SPEF2: variants seen among roughly 807,000 people sequenced by gnomAD.
SPEF2 encodes the protein sperm flagellar and cilia associated 2.
Under a neutral mutation model 224.6 loss-of-function variants are expected in SPEF2, and 187 were observed. That is an observed-to-expected ratio of 0.83 (90% CI 0.74 to 0.94). The LOEUF (loss-of-function observed/expected upper bound fraction) is 0.94. Among genes scored for constraint, SPEF2 ranks in the 40% least tolerant of loss-of-function variants. The pLI, the probability that SPEF2 is intolerant of heterozygous loss-of-function variation, is 0.00. For synonymous variants in SPEF2, 715 were observed against 707.3 expected, an observed-to-expected ratio of 1.01 and a Z score of -0.17; for missense variants, 2,170 against 2,135.6, an observed-to-expected ratio of 1.02 and a Z score of -0.32.
chr5:35,706,949 A>G (rs573128928), intron 18 of SPEF2, among the ~76,000 whole-genome samples: 1 of 152,350 alleles, frequency 6.6e-6, no homozygotes, highest in Non-Finnish European at 1.5e-5. Context: ...GCTTGAAGCT[A>G]CGGGTTAGAA....
At position 35,807,178 on chromosome 5, in the gene SPEF2, A is replaced by G. The variant is rs201634300; in HGVS notation, c.5304A>G (p.Pro1768=). ...FQDLGAKNLE[P]IEVAVLLKHP... is the part of the protein sequence containing the mutation. Reference sequence around the variant, plus strand: ...ACCTAGGTGCCAAGAACCTGGAGCCAATTGAAGTCGCTGTTCTCTTGAAGC... The same window carrying G: ...ACCTAGGTGCCAAGAACCTGGAGCCGATTGAAGTCGCTGTTCTCTTGAAGC... Residue 1768 remains proline, a synonymous_variant, in exon 36 of 37, where the codon CCA becomes CCG. Coordinates refer to ENST00000356031, the MANE Select transcript of SPEF2 (RefSeq NM_024867.4). The G allele has an allele frequency of 6.3e-5, 101 of 1,613,898 alleles. No homozygotes were observed. Among genetic ancestry groups the G allele is most frequent in the Non-Finnish European group, 7.6e-5 (90 of 1,179,992 alleles).
chr5:35,785,923 C>T (rs959925874), intron 30 of SPEF2, among the ~76,000 whole-genome samples: 6 of 152,030 alleles, frequency 3.9e-5, no homozygotes, highest in Non-Finnish European at 7.4e-5. Flanking sequence ...AATACCCTTC[C>T]CCTGCTTTTC....
chr5:35,807,820 C>A, intron 36 of SPEF2: 1 of 1,532,172 alleles, frequency 6.5e-7, no homozygotes, highest in Non-Finnish European at 8.7e-7. Context: ...CAGGTCTGGA[C>A]CACACATGCT....
intron 8 of SPEF2, among the ~76,000 whole-genome samples, chr5:35,661,754 T>C (rs1485938999): frequency 6.6e-6 from 1 of 152,182 alleles, no homozygotes; most frequent in African/African-American, 2.4e-5. Context: ...AAGGACATGA[T>C]CTCATTGCTT....
At chr5:35,759,486 T>C (rs537942422) in intron 24 of SPEF2, 82 bp from the exon 25 acceptor site, 2 of 1,201,756 alleles carry the variant, frequency 1.7e-6, no homozygotes, top group African/African-American at 3.1e-5. Flanking sequence ...TTCAAAATAG[T>C]GCTTTCAGAG....
chr5:35,711,574 T>TCCCC (rs1741145434), intron 19 of SPEF2, among the ~76,000 whole-genome samples: 1 of 91,900 alleles, frequency 1.1e-5, no homozygotes, highest in Non-Finnish European at 3.1e-5. Flanking sequence ...TTTCTTTCTT[T>TCCCC]CCCTCCCTCT....
chr5:35,788,256 G>T (rs1247423691), intron 30 of SPEF2: 2 of 702,834 alleles, frequency 2.8e-6, no homozygotes, highest in Non-Finnish European at 5.2e-6. Context: ...AACTTATTCA[G>T]ATCATGCCAT....
chr5:35,754,375 T>A (rs1470783843), intron 24 of SPEF2, among the ~76,000 whole-genome samples: 1 of 152,194 alleles, frequency 6.6e-6, no homozygotes, highest in Non-Finnish European at 1.5e-5. Context: ...AGAGAGTTTT[T>A]AAGAGCTGAA....
At chr5:35,676,615 G>A (rs905783420) in intron 10 of SPEF2, among the ~76,000 whole-genome samples, 19 of 152,018 alleles carry the variant, frequency 1.2e-4, no homozygotes, top group Non-Finnish European at 4.4e-5. Flanking sequence ...TGTAATTCCA[G>A]CTACTTGGGA....
intron 10 of SPEF2, among the ~76,000 whole-genome samples, chr5:35,689,904 T>C (rs1754202979): frequency 6.6e-6 from 1 of 152,142 alleles, no homozygotes; most frequent in Non-Finnish European, 1.5e-5. Context: ...GTAGTAGAAA[T>C]TTCATTATCC....
intron 10 of SPEF2, 29 bp downstream of exon 10, chr5:35,670,256 G>T: frequency 6.5e-7 from 1 of 1,547,416 alleles, no homozygotes; most frequent in Non-Finnish European, 8.7e-7. Context: ...TAATTAGAAT[G>T]CTACATAATA....
intron 21 of SPEF2, among the ~76,000 whole-genome samples, chr5:35,737,293 C>A (rs1304719903): frequency 6.6e-6 from 1 of 151,884 alleles, no homozygotes; most frequent in Non-Finnish European, 1.5e-5. Context: ...ATACATGTGC[C>A]ATGTTGGTGT....
intron 21 of SPEF2, among the ~76,000 whole-genome samples, chr5:35,732,347 AGGAG>A (rs1368676615): frequency 6.6e-6 from 1 of 152,220 alleles, no homozygotes; most frequent in Non-Finnish European, 1.5e-5. Context: ...GAAGTTGACC[AGGAG>A]GGAGGTTTAG....
At chr5:35,758,726 C>T (rs988844371) in intron 24 of SPEF2, among the ~76,000 whole-genome samples, 1 of 152,130 alleles carries the variant, frequency 6.6e-6, no homozygotes, top group Non-Finnish European at 1.5e-5. Context: ...CTCTGTGTTG[C>T]TGGGCGCAGT....
In SPEF2 at chr5:35,667,207, C is replaced by T. The variant is rs1750595702; in HGVS notation, c.1303C>T (p.Gln435Ter). 1 of 1,607,916 alleles carries T rather than the reference C, an allele frequency of 6.2e-7. No individual in the cohort carries two copies. The highest frequency in any genetic ancestry group is 8.5e-7 in the Non-Finnish European group (1 of 1,176,612). Residue 435 changes from glutamine (Q) to a stop codon, truncating the protein, a stop_gained, in exon 9 of 37, where the codon CAA (glutamine) becomes TAA (stop). Transcript: ENST00000356031. LOFTEE classifies it high-confidence loss of function. ...HYSVCAEILD[Q>*]IVDLSTKVAD... ...TTCAGTATGTGCAGAAATTTTGGAT[C>T]AAATAGTTGATTTGTCCACTAAAGT...
intron 2 of SPEF2, among the ~76,000 whole-genome samples, chr5:35,630,569 G>C: frequency 6.6e-6 from 1 of 152,238 alleles, no homozygotes; most frequent in Admixed American, 6.5e-5. Flanking sequence ...GGTGGCGGGC[G>C]TCTGTAGTCC....
chr5:35,709,948 A>C, intron 19 of SPEF2: 1 of 984,824 alleles, frequency 1.0e-6, no homozygotes, highest in Non-Finnish European at 1.2e-6. Flanking sequence ...ACATTTCTAA[A>C]CTCTATAGTC....
chr5:35,751,693 A>T (rs1749680523), intron 23 of SPEF2, among the ~76,000 whole-genome samples: 1 of 152,192 alleles, frequency 6.6e-6, no homozygotes, highest in Non-Finnish European at 1.5e-5. Flanking sequence ...CAAAATGCAA[A>T]GGTAAGAATT....
intron 8 of SPEF2, 110 bp from the exon 9 acceptor site, chr5:35,666,962 T>C: frequency 1.0e-6 from 1 of 953,658 alleles, no homozygotes; most frequent in Non-Finnish European, 1.5e-6. Flanking sequence ...TTTTTCCTGG[T>C]GTGAGAAGAG....
Sources: gnomAD v4.1 joint callset for allele counts (sites outside exome capture counted in the v4.1 genomes callset) on GRCh38, gnomAD v4.1.1 for gene constraint, MANE v1.5 for transcripts, NCBI Gene and HGNC (gene_info 2026-07-23, HGNC 2026-07-21) for gene names.